The following RIMS1 variants were observed in gnomAD, a reference collection of about 807,000 sequenced individuals.
RIMS1 encodes the protein regulating synaptic membrane exocytosis 1.
Under a neutral mutation model 214.1 loss-of-function variants are expected in RIMS1, and 83 were observed. The observed-to-expected ratio is 0.39, with a 90% CI of 0.32 to 0.47. The LOEUF is 0.47. Ranked by LOEUF, RIMS1 falls within the 20% of genes least tolerant of loss-of-function variation. The pLI is 0.99. For missense variants in RIMS1, 2,050 were observed against 2,161.8 expected, an observed-to-expected ratio of 0.95 and a Z score of 1.03; for synonymous variants, 793 against 786.8, an observed-to-expected ratio of 1.01 and a Z score of -0.13.
At chr6:71,894,103 T>C (rs1419666426) in intron 1 of RIMS1, among the ~76,000 whole-genome samples, 1 of 152,192 alleles carries the variant, frequency 6.6e-6, no homozygotes, top group African/African-American at 2.4e-5. Context: ...GTGGTAGATA[T>C]AAAATCTTGA....
At chr6:72,357,783 G>A (rs1007974358) in intron 29 of RIMS1, among the ~76,000 whole-genome samples, 9 of 152,172 alleles carry the variant, frequency 5.9e-5, no homozygotes, top group African/African-American at 9.6e-5. Context: ...GCTCATAACC[G>A]TATCTCAGTC....
chr6:71,960,962 A>G (rs1050507203), intron 1 of RIMS1, among the ~76,000 whole-genome samples: 1 of 152,066 alleles, frequency 6.6e-6, no homozygotes, highest in African/African-American at 2.4e-5. Flanking sequence ...TGCAGAAGAC[A>G]TAGTGACCCC....
intron 7 of RIMS1, 141 bp from the exon 8 acceptor site, chr6:72,235,477 A>G: frequency 3.6e-6 from 2 of 555,252 alleles, no homozygotes; most frequent in Admixed American, 2.9e-5. Flanking sequence ...GGGAACTAAC[A>G]TGTTCCTGGC....
rs1470043085 is a variant in RIMS1 at position 72,290,865 on chromosome 6, G to A, written c.3737+4G>A. Reference sequence around the variant, plus strand: ...CACCTTCTCCGCTTCTGACAAGGTCGCTATTCAGTGTCCCCCTCAGCATTC... The same window carrying A: ...CACCTTCTCCGCTTCTGACAAGGTCACTATTCAGTGTCCCCCTCAGCATTC... On this transcript the variant is annotated splice_donor_region_variant and intron_variant, in intron 25 of 33. Transcript: ENST00000521978. The A allele has an allele frequency of 6.8e-6, 11 of 1,611,370 alleles. No individual in the cohort carries two copies. The highest frequency in any genetic ancestry group is 2.2e-5 in the South Asian group (2 of 90,902).
At chr6:72,265,089 A>T (rs2079860717) in intron 20 of RIMS1, 37 bp downstream of exon 20, 1 of 1,207,358 alleles carries the variant, frequency 8.3e-7, no homozygotes, top group South Asian at 1.4e-5. Context: ...CCAGTTATAA[A>T]GTAATTCCTA....
At chr6:72,371,138 CTGTA>C (rs1206518196) in intron 29 of RIMS1, among the ~76,000 whole-genome samples, 1 of 151,852 alleles carries the variant, frequency 6.6e-6, no homozygotes, top group African/African-American at 2.4e-5. Context: ...GTGTCTGTGT[CTGTA>C]TGTGTATGTA....
At chr6:72,376,708 T>C (rs543178329) in intron 29 of RIMS1, among the ~76,000 whole-genome samples, 1 of 151,044 alleles carries the variant, frequency 6.6e-6, no homozygotes, top group South Asian at 2.1e-4. Flanking sequence ...AATCACATCA[T>C]TGCACTCCAG....
At position 72,251,024 on chromosome 6, in the gene RIMS1, C is replaced by A. The variant is rs2073060016; in HGVS notation, c.2476C>A (p.Arg826=). ...TGTACATCGTAGAGATTTTAGAGAACGAATGTTAGAAATAACTGTGTGGGA... is the reference window on the plus strand; with the variant it reads ...TGTACATCGTAGAGATTTTAGAGAAAGAATGTTAGAAATAACTGTGTGGGA... ...SHVHRRDFRE[R]MLEITVWDQP... Residue 826 remains arginine, a synonymous_variant, in exon 14 of 34, where the codon CGA becomes AGA. Transcript: ENST00000521978. The A allele has an allele frequency of 1.3e-6, 2 of 1,577,326 alleles. No individual in the cohort carries two copies. Among genetic ancestry groups the A allele is most frequent in the African/African-American group, 1.3e-5 (1 of 74,076 alleles).
intron 27 of RIMS1, among the ~76,000 whole-genome samples, chr6:72,311,543 A>G (rs1417731955): frequency 1.3e-5 from 2 of 152,226 alleles, no homozygotes; most frequent in African/African-American, 4.8e-5. Flanking sequence ...ATATAATAAC[A>G]TATGAATTTC....
intron 6 of RIMS1, among the ~76,000 whole-genome samples, chr6:72,187,303 CTTTAT>C (rs548150951): frequency 1.7e-3 from 261 of 152,156 alleles, no homozygotes; most frequent in African/African-American, 6.2e-3. Flanking sequence ...AATGACTTCT[CTTTAT>C]AAGTTGCATA....
At chr6:72,094,367 T>C (rs553497629) in intron 2 of RIMS1, among the ~76,000 whole-genome samples, 2 of 152,320 alleles carry the variant, frequency 1.3e-5, no homozygotes, top group Admixed American at 1.3e-4. Flanking sequence ...AGTAAGGTTT[T>C]ATCTCAGTGG....
In RIMS1 at chr6:72,156,765, T is replaced by C. The variant is rs376362224; in HGVS notation, c.472-22810T>C. Among the ~76,000 whole-genome samples, 19 of 141,102 alleles carry C rather than the reference T, an allele frequency of 1.3e-4. 1 individual carries two copies. In the East Asian group the frequency reaches 3.6e-3, roughly 27 times the overall value. 92.6% of individuals were successfully genotyped at this position (141,102 alleles called of 152,430 possible). A position where few individuals can be genotyped will look rare whatever the true frequency, so the allele number is the denominator to read the frequency against. ...ATATCTCAAATATATATAATTTTATTTGTCAATTACAATTAAAGCTGAGAA... is the reference window on the plus strand; with the variant it reads ...ATATCTCAAATATATATAATTTTATCTGTCAATTACAATTAAAGCTGAGAA... On this transcript the variant is annotated intron_variant, in intron 4 of 33. Coordinates refer to ENST00000521978, the MANE Select transcript of RIMS1 (RefSeq NM_014989.7).
At chr6:72,063,258 T>C (rs1828393994) in intron 2 of RIMS1, among the ~76,000 whole-genome samples, 1 of 152,136 alleles carries the variant, frequency 6.6e-6, no homozygotes, top group Non-Finnish European at 1.5e-5. Context: ...ATTTCTGCTC[T>C]GCACTTTAGG....
chr6:72,218,446 G>T (rs1000872311), intron 6 of RIMS1, among the ~76,000 whole-genome samples: 1 of 152,166 alleles, frequency 6.6e-6, no homozygotes, highest in Non-Finnish European at 1.5e-5. Context: ...AAAATCCAAA[G>T]GGTCAGAGGC....
intron 29 of RIMS1, among the ~76,000 whole-genome samples, chr6:72,346,596 C>T (rs2097273117): frequency 1.3e-5 from 2 of 151,712 alleles, no homozygotes; most frequent in Admixed American, 1.3e-4. Flanking sequence ...AGTTCCCTCC[C>T]TTCTGCTCTG....
At position 72,179,565 on chromosome 6, in the gene RIMS1, C is replaced by T; in HGVS notation, c.472-10C>T. The T allele has an allele frequency of 6.3e-7, 1 of 1,599,620 alleles. No homozygotes were observed. The highest frequency in any genetic ancestry group is 8.5e-7 in the Non-Finnish European group (1 of 1,169,958). ...ATAAAAATTTATATTGTTCTTTCTT[C>T]TTCAAATAGGTTATGTGGGTATGCA... On this transcript the variant is annotated splice_polypyrimidine_tract_variant and intron_variant, in intron 4 of 33. Transcript: ENST00000521978.
intron 3 of RIMS1, among the ~76,000 whole-genome samples, chr6:72,098,542 G>C (rs1395541793): frequency 6.7e-6 from 1 of 149,084 alleles, no homozygotes; most frequent in African/African-American, 2.5e-5. Context: ...TGATCCGCCC[G>C]TCTCGGCTTC....
At chr6:71,898,307 G>T (rs1470697197) in intron 1 of RIMS1, among the ~76,000 whole-genome samples, 1 of 152,038 alleles carries the variant, frequency 6.6e-6, no homozygotes, top group Non-Finnish European at 1.5e-5. Context: ...GTAGTGTATT[G>T]CCAGAAAGCA....
intron 29 of RIMS1, among the ~76,000 whole-genome samples, chr6:72,338,085 T>C (rs1229209256): frequency 2.6e-5 from 4 of 151,782 alleles, no homozygotes; most frequent in Admixed American, 6.6e-5. Flanking sequence ...GCATGATTTA[T>C]AGTCCTTTGG....
Sources: gnomAD v4.1 joint callset for allele counts (sites outside exome capture counted in the v4.1 genomes callset) on GRCh38, gnomAD v4.1.1 for gene constraint, MANE v1.5 for transcripts, NCBI Gene and HGNC (gene_info 2026-07-23, HGNC 2026-07-21) for gene names.